Variants in PRSS48 observed in about 807,000 individuals in gnomAD.
PRSS48 encodes the protein epidermis-specific serine protease-like protein.
PRSS48 carries 21 observed loss-of-function variants against 25.6 expected under a neutral mutation model. That is an observed-to-expected ratio of 0.82 (90% CI 0.58 to 1.18). The LOEUF (loss-of-function observed/expected upper bound fraction) is 1.18, where lower values mean the gene tolerates loss of function less well. PRSS48 is among the 50% of genes most tolerant of loss of function. PRSS48 has a pLI of 0.00. For synonymous variants in PRSS48, 150 were observed against 149.3 expected (o/e 1.00, Z -0.04); for missense variants, 373 against 399.3 (o/e 0.93, Z 0.56).
At chr4:151,283,964 T>G (rs1322909006) in intron 4 of PRSS48, among the ~76,000 whole-genome samples, 1 of 152,222 alleles carries the variant, frequency 6.6e-6, no homozygotes, top group East Asian at 1.9e-4. Flanking sequence ...CCATGGAGTG[T>G]AATGTGTTGT....
chr4:151,287,735 A>G (rs1774951974), intron 4 of PRSS48, among the ~76,000 whole-genome samples: 1 of 152,194 alleles, frequency 6.6e-6, no homozygotes, highest in Non-Finnish European at 1.5e-5. Context: ...TTTCTACAAA[A>G]TATTTTAAAT....
At chr4:151,277,660 G>A (rs1390177753) in intron 1 of PRSS48, among the ~76,000 whole-genome samples, 1 of 152,144 alleles carries the variant, frequency 6.6e-6, no homozygotes, top group Admixed American at 6.5e-5. Flanking sequence ...AGCATCTCAA[G>A]CAGAGGGAAC....
chr4:151,287,547 G>C (rs1424205860), intron 4 of PRSS48, among the ~76,000 whole-genome samples: 2 of 152,070 alleles, frequency 1.3e-5, no homozygotes, highest in South Asian at 2.1e-4. Context: ...GTTTCAACAG[G>C]AAGTCAAGTT....
rs145982965 is a variant in PRSS48 at position 151,290,030 on chromosome 4, T to C, written c.652-1088T>C. 6.2e-3 allele frequency among the ~76,000 whole-genome samples: 940 copies of C among 152,314 alleles called. 50 individuals carry two copies. The highest frequency in any genetic ancestry group is 0.056 in the Admixed American group (851 of 15,292). ...AGTGCAGTGGTAGGATCATAGTTCA[T>C]TGTAAACATGGCTCAAGCAATACTT... On this transcript the variant is annotated intron_variant, in intron 4 of 4. Transcript: ENST00000455694.
At chr4:151,279,256 C>T in intron 1 of PRSS48, 1 of 220,498 alleles carries the variant, frequency 4.5e-6, no homozygotes, top group South Asian at 6.2e-5. Flanking sequence ...TTTTTAGAGA[C>T]CTGGTTTCAC....
exon 3 of PRSS48, chr4:151,282,237 T>C: frequency 6.2e-7 from 1 of 1,613,902 alleles, no homozygotes; most frequent in South Asian, 1.1e-5. Flanking sequence ...GTGTCCAAAA[T>C]CGTCATCCAT....
chr4:151,290,977 A>C, intron 4 of PRSS48, 141 bp from the exon 5 acceptor site: 1 of 590,936 alleles, frequency 1.7e-6, no homozygotes, highest in South Asian at 2.4e-5. Flanking sequence ...TCCCTAAAGC[A>C]GTGATTAGTC....
chr4:151,291,276 C>A (rs575033863), exon 5 of PRSS48: 1 of 1,614,004 alleles, frequency 6.2e-7, no homozygotes, highest in East Asian at 2.2e-5. Flanking sequence ...CAAGAGCCAA[C>A]AATCTAGACT....
intron 2 of PRSS48, among the ~76,000 whole-genome samples, chr4:151,281,738 T>A (rs995310506): frequency 1.6e-4 from 25 of 152,156 alleles, no homozygotes; most frequent in African/African-American, 6.0e-4. Context: ...TAACTGTGTA[T>A]ATGTGTAACT....
chr4:151,283,570 T>C (rs1329644948), intron 4 of PRSS48, among the ~76,000 whole-genome samples: 1 of 147,996 alleles, frequency 6.8e-6, no homozygotes, highest in African/African-American at 2.5e-5. Flanking sequence ...CAGGCTTGAG[T>C]ACAGTGGCAT....
chr4:151,290,408 A>G (rs897250349), intron 4 of PRSS48, among the ~76,000 whole-genome samples: 2 of 152,242 alleles, frequency 1.3e-5, no homozygotes, highest in African/African-American at 4.8e-5. Flanking sequence ...CCTTGAAAAG[A>G]ATGTGCTAAC....
chr4:151,284,013 G>A (rs1043972068), intron 4 of PRSS48, among the ~76,000 whole-genome samples: 4 of 151,986 alleles, frequency 2.6e-5, no homozygotes, highest in African/African-American at 9.7e-5. Context: ...CTTTACCTTT[G>A]ATTGTCAGCA....
intron 1 of PRSS48, chr4:151,279,191 C>T: frequency 3.4e-6 from 1 of 297,700 alleles, no homozygotes; most frequent in Non-Finnish European, 6.4e-6. Context: ...GTCACCAGCA[C>T]ACTAGAGAAA....
chr4:151,284,043 G>A (rs1403098748), intron 4 of PRSS48, among the ~76,000 whole-genome samples: 4 of 152,078 alleles, frequency 2.6e-5, no homozygotes, highest in South Asian at 2.1e-4. Flanking sequence ...TGATGTACTA[G>A]GTGTGGTTTT....
chr4:151,288,386 C>T (rs936051279), intron 4 of PRSS48, among the ~76,000 whole-genome samples: 1 of 152,080 alleles, frequency 6.6e-6, no homozygotes, highest in Admixed American at 6.5e-5. Context: ...AAAGGAATGC[C>T]ACCCCCAAAA....
At chr4:151,280,005 A>G in intron 2 of PRSS48, 47 bp downstream of exon 2, 1 of 1,272,676 alleles carries the variant, frequency 7.9e-7, no homozygotes, top group Non-Finnish European at 1.0e-6. Context: ...CTCAGTGAAT[A>G]TTTGCATCAC....
At position 151,281,304 on chromosome 4, in the gene PRSS48, C is replaced by T. The variant is rs1195625680; in HGVS notation, c.216-844C>T. 2.0e-5 allele frequency among the ~76,000 whole-genome samples: 3 copies of T among 152,304 alleles called. No individual in the cohort carries two copies. In the East Asian group the frequency reaches 5.8e-4, roughly 29 times the overall value. The stretch of plus-strand genomic sequence containing the variant: ...AAACCAAAGTGAGCCCACTTATCAA[C>T]TCCAGGAGAAGCAAAACGTTTTATA... On this transcript the variant is annotated intron_variant, in intron 2 of 4. Coordinates refer to ENST00000455694, the Ensembl canonical transcript of PRSS48.
At chr4:151,289,443 C>T (rs1037255767) in intron 4 of PRSS48, among the ~76,000 whole-genome samples, 1 of 152,068 alleles carries the variant, frequency 6.6e-6, no homozygotes, top group Non-Finnish European at 1.5e-5. Flanking sequence ...AAAAGGTAGC[C>T]TATGAAACGG....
At chr4:151,289,608 T>C (rs1401294549) in intron 4 of PRSS48, among the ~76,000 whole-genome samples, 2 of 152,222 alleles carry the variant, frequency 1.3e-5, no homozygotes, top group South Asian at 2.1e-4. Flanking sequence ...GGTATAAAGA[T>C]ATGCAAATGT....
Sources: allele counts gnomAD v4.1 joint callset (sites outside exome capture counted in the v4.1 genomes callset), GRCh38; gene constraint gnomAD v4.1.1; transcripts MANE v1.5; gene names NCBI Gene and HGNC (gene_info 2026-07-23, HGNC 2026-07-21).